GMPS: variants seen among roughly 807,000 people sequenced by gnomAD.
GMPS encodes the protein guanosine monophosphate synthase, also known as GMP synthase [glutamine-hydrolyzing].
A neutral mutation model predicts 77.9 loss-of-function variants in GMPS; 15 were observed. That is an observed-to-expected ratio of 0.19 (90% CI 0.13 to 0.30). GMPS has a LOEUF of 0.30. Ranked by LOEUF, GMPS falls within the 10% of genes least tolerant of loss-of-function variation. GMPS has a pLI of 1.00. For synonymous variants in GMPS, 224 were observed against 275.9 expected, an observed-to-expected ratio of 0.81 and a Z score of 1.86; for missense variants, 590 against 838.8, an observed-to-expected ratio of 0.70 and a Z score of 3.66.
Position 155,897,721 on chromosome 3 carries a change from T to C in GMPS, c.210-206T>C, listed in dbSNP as rs866674083. 5.9e-5 allele frequency among the ~76,000 whole-genome samples: 9 copies of C among 152,366 alleles called. No homozygotes were observed. The South Asian group carries it at 8.3e-4, about 14-fold the overall frequency. ...AGTAAATGCTGAATTGATAGACTTC[T>C]AAACATTGCAGTAAAGTACAGTAAA... On this transcript the variant is annotated intron_variant, in intron 2 of 15. Transcript: ENST00000496455.
intron 10 of GMPS, 45 bp downstream of exon 10, chr3:155,919,383 C>A: frequency 1.1e-6 from 1 of 873,762 alleles, no homozygotes; most frequent in Non-Finnish European, 1.9e-6. Context: ...TTTAGACCTT[C>A]ATGTTGAAGA....
chr3:155,910,920 A>G (rs544451867), intron 6 of GMPS, 35 bp downstream of exon 6: 6 of 1,377,488 alleles, frequency 4.4e-6, no homozygotes, highest in Admixed American at 2.1e-5. Context: ...CTACAAATTT[A>G]TATCAATAAT....
intron 12 of GMPS, among the ~76,000 whole-genome samples, chr3:155,927,102 G>C (rs1469257178): frequency 6.6e-6 from 1 of 152,032 alleles, no homozygotes; most frequent in African/African-American, 2.4e-5. Flanking sequence ...TTGGGTTAAG[G>C]AACTCTTGCC....
intron 11 of GMPS, among the ~76,000 whole-genome samples, chr3:155,924,798 A>G (rs544272137): frequency 6.6e-6 from 1 of 152,354 alleles, no homozygotes; most frequent in South Asian, 2.1e-4. Context: ...AATAGTAGAC[A>G]TGAAAGGTAT....
intron 4 of GMPS, among the ~76,000 whole-genome samples, chr3:155,905,609 T>G (rs1754857572): frequency 6.6e-6 from 1 of 152,234 alleles, no homozygotes; most frequent in South Asian, 2.1e-4. Context: ...CCAGTTAAAA[T>G]GAAAGATTAT....
Position 155,877,886 on chromosome 3 carries a change from ATTC to A in GMPS, c.27+6999_27+7001del, listed in dbSNP as rs142626649. 6.5e-3 allele frequency among the ~76,000 whole-genome samples: 956 copies of A among 147,058 alleles called. 3 individuals are homozygous for A. Among genetic ancestry groups the A allele is most frequent in the South Asian group, 0.015 (70 of 4,624 alleles). Reference sequence around the variant, plus strand: ...AACCTCCACCTCCTGGATTCAAGCCATTCTTCTTCTTCAGCCTCCCGAGTAGCT... The same window carrying A: ...AACCTCCACCTCCTGGATTCAAGCCATTCTTCTTCAGCCTCCCGAGTAGCT... On this transcript the variant is annotated intron_variant, in intron 1 of 15. Coordinates refer to ENST00000496455, the MANE Select transcript of GMPS (RefSeq NM_003875.3).
intron 3 of GMPS, among the ~76,000 whole-genome samples, chr3:155,902,420 AC>A (rs1754756616): frequency 1.3e-5 from 2 of 152,184 alleles, no homozygotes; most frequent in African/African-American, 4.8e-5. Flanking sequence ...ATGATTTTTT[AC>A]ATTGTTAAAT....
chr3:155,895,837 T>C (rs968290432), intron 2 of GMPS, among the ~76,000 whole-genome samples: 3 of 152,216 alleles, frequency 2.0e-5, no homozygotes, highest in Non-Finnish European at 4.4e-5. Flanking sequence ...TTTTTGTTTT[T>C]TTAATAGCAC....
chr3:155,924,947 CA>C (rs1755412441), intron 11 of GMPS, among the ~76,000 whole-genome samples: 1 of 152,074 alleles, frequency 6.6e-6, no homozygotes, highest in African/African-American at 2.4e-5. Context: ...GACTTTATGG[CA>C]AAAAGCATTA....
At chr3:155,912,197 A>T (rs755477261) in intron 7 of GMPS, among the ~76,000 whole-genome samples, 9 of 152,238 alleles carry the variant, frequency 5.9e-5, no homozygotes, top group African/African-American at 2.2e-4. Flanking sequence ...GGTAAGTATG[A>T]TGTGAACATG....
At position 155,936,370 on chromosome 3, in the gene GMPS, A is replaced by G. The variant is rs1253377611; in HGVS notation, c.1840A>G (p.Ile614Val). 1.2e-6 allele frequency: 2 copies of G among 1,610,848 alleles called. No individual in the cohort carries two copies. Among genetic ancestry groups the G allele is most frequent in the East Asian group, 2.2e-5 (1 of 44,868 alleles). ...TGGGAAAATCAGCCAGATGCCGGTG[A>G]TTTTGACACCATTACATTTTGATCG... ...YAGKISQMPV[I>V]LTPLHFDRDP... is the part of the protein sequence containing the mutation. The change falls in exon 15 of 16, where the codon ATT becomes GTT. Residue 614 changes from isoleucine (I) to valine (V), a missense_variant. By Grantham distance (29) the Ile-to-Val change is conservative (BLOSUM62 3). Coordinates refer to ENST00000496455, the MANE Select transcript of GMPS (RefSeq NM_003875.3).
rs1755851224 is a variant in GMPS at position 155,939,957 on chromosome 3, A to AT, written c.*2268dup. ...GTTACTTAATTAATTTCAGAATTAA[A>AT]TTTCAGGTTTCCTTAGTCCAGATTG... is the stretch of plus-strand genomic sequence containing the variant. On this transcript the variant is annotated 3_prime_UTR_variant, in exon 16 of 16. Coordinates refer to ENST00000496455, the MANE Select transcript of GMPS (RefSeq NM_003875.3). 23 of 203,226 alleles carry AT rather than the reference A, an allele frequency of 1.1e-4. No individual in the cohort carries two copies. The East Asian group carries it at 1.7e-3, about 15-fold the overall frequency. The allele number at this position is 203,226 out of a possible 1,614,324, so 12.6% of individuals were successfully genotyped here. A position where few individuals can be genotyped will look rare whatever the true frequency, so the allele number is the denominator to read the frequency against.
chr3:155,933,153 C>T (rs1361213809), intron 13 of GMPS, among the ~76,000 whole-genome samples: 1 of 152,090 alleles, frequency 6.6e-6, no homozygotes, highest in Non-Finnish European at 1.5e-5. Context: ...GATTGCACCA[C>T]TGCACTCAAG....
At chr3:155,906,082 T>C in intron 4 of GMPS, 78 bp from the exon 5 acceptor site, 2 of 761,064 alleles carry the variant, frequency 2.6e-6, no homozygotes, top group Non-Finnish European at 4.2e-6. Flanking sequence ...ATGGCAAGCT[T>C]GTGTTTCTAA....
intron 1 of GMPS, among the ~76,000 whole-genome samples, chr3:155,879,707 T>G (rs1013750402): frequency 2.0e-5 from 3 of 151,108 alleles, no homozygotes; most frequent in African/African-American, 7.3e-5. Flanking sequence ...TTTGGAGAAA[T>G]GTCTGTTCAG....
intron 1 of GMPS, among the ~76,000 whole-genome samples, chr3:155,873,083 T>G (rs1427215117): frequency 6.6e-6 from 1 of 152,136 alleles, no homozygotes; most frequent in East Asian, 1.9e-4. Flanking sequence ...TGTACATTGA[T>G]TGGGCCTTGG....
Position 155,903,963 on chromosome 3 carries a change from AT to A in GMPS, c.422+5del. On this transcript the variant is annotated splice_donor_region_variant and intron_variant, in intron 4 of 15. Coordinates refer to ENST00000496455, the MANE Select transcript of GMPS (RefSeq NM_003875.3). ...GATAATACATGTTCATTATTCAGGT[AT>A]TACATTTTTAGATGAATAAGAACAA... is the stretch of plus-strand genomic sequence containing the variant. The A allele has an allele frequency of 8.3e-7, 1 of 1,204,528 alleles. No homozygotes were observed. Among genetic ancestry groups the A allele is most frequent in the Non-Finnish European group, 1.2e-6 (1 of 849,208 alleles). The allele number at this position is 1,204,528 out of a possible 1,614,324, so 74.6% of individuals were successfully genotyped here.
intron 1 of GMPS, among the ~76,000 whole-genome samples, chr3:155,878,887 C>A (rs545941972): frequency 4.0e-5 from 6 of 151,616 alleles, no homozygotes; most frequent in Non-Finnish European, 7.4e-5. Flanking sequence ...GCCTGAGAAC[C>A]TTGGTGGGAG....
rs113093609 is a variant in GMPS, at chr3:155,937,990, T to C, written c.*298T>C. 0.032 allele frequency: 9,100 copies of C among 282,436 alleles called. 193 individuals carry two copies. The highest frequency in any genetic ancestry group is 0.044 in the Non-Finnish European group (6,592 of 150,374). 17.5% of individuals were successfully genotyped at this position (282,436 alleles called of 1,614,324 possible). A position where few individuals can be genotyped will look rare whatever the true frequency, so the allele number is the denominator to read the frequency against. On this transcript the variant is annotated 3_prime_UTR_variant, in exon 16 of 16. Transcript: ENST00000496455. ...TTCACTGTTGATGTCTCTGTGAATA[T>C]GTATGAAGGTGGGTGAATTTGGGGG...
Sources: gnomAD v4.1 joint callset for allele counts (sites outside exome capture counted in the v4.1 genomes callset) on GRCh38, gnomAD v4.1.1 for gene constraint, MANE v1.5 for transcripts, NCBI Gene and HGNC (gene_info 2026-07-23, HGNC 2026-07-21) for gene names.